The following PEBP4 variants were observed in gnomAD, a reference collection of about 807,000 sequenced individuals.
PEBP4 encodes phosphatidylethanolamine-binding protein 4.
Under a neutral mutation model 23.9 loss-of-function variants are expected in PEBP4, and 22 were observed. The ratio of observed to expected loss-of-function variants is 0.92; its 90% confidence interval spans 0.66 to 1.31. PEBP4 has a LOEUF of 1.31. Among genes scored for constraint, PEBP4 ranks in the 40% most tolerant of loss-of-function variants. The pLI, the probability that PEBP4 is intolerant of heterozygous loss-of-function variation, is 0.00. For synonymous variants in PEBP4, 112 were observed against 99.3 expected, an observed-to-expected ratio of 1.13 and a Z score of -0.76; for missense variants, 324 against 281.7, an observed-to-expected ratio of 1.15 and a Z score of -1.07.
intron 4 of PEBP4, among the ~76,000 whole-genome samples, chr8:22,774,336 T>C (rs752390720): frequency 6.6e-6 from 1 of 152,230 alleles, no homozygotes; most frequent in Non-Finnish European, 1.5e-5. Context: ...GAGTTACCCT[T>C]TCCTAGAGCA....
At chr8:22,727,389 GGCT>G (rs1409663099) in intron 4 of PEBP4, among the ~76,000 whole-genome samples, 169 bp from the exon 5 acceptor site, 46 of 152,096 alleles carry the variant, frequency 3.0e-4, no homozygotes, top group African/African-American at 1.1e-3. Flanking sequence ...GAGGATGTAT[GGCT>G]GCTTTTGGGA....
intron 3 of PEBP4, among the ~76,000 whole-genome samples, chr8:22,861,879 G>A (rs771112574): frequency 1.3e-5 from 2 of 152,160 alleles, no homozygotes; most frequent in Non-Finnish European, 2.9e-5. Flanking sequence ...TCAATCTTGC[G>A]CTTTAGCGAT....
rs559983294 is a variant in PEBP4 at position 22,748,849 on chromosome 8, G to A, written c.358-21629C>T. On this transcript the variant is annotated intron_variant, in intron 4 of 6. Coordinates refer to ENST00000256404, the MANE Select transcript of PEBP4 (RefSeq NM_144962.3). ...AACAGGAGAGGCCTCCACGAGTCCT[G>A]GATGATTTAGGTGCGGACTTGCCTG... Among the ~76,000 whole-genome samples the A allele has an allele frequency of 5.3e-5, 8 of 152,274 alleles. No homozygotes were observed. The South Asian group carries it at 1.7e-3, about 32-fold the overall frequency.
intron 4 of PEBP4, among the ~76,000 whole-genome samples, chr8:22,784,996 G>A (rs955218922): frequency 1.6e-4 from 24 of 152,166 alleles, no homozygotes; most frequent in Admixed American, 1.3e-3. Context: ...AACGGGCCAC[G>A]TGTGCACGGT....
chr8:22,916,453 C>G (rs1203048044), intron 3 of PEBP4, among the ~76,000 whole-genome samples: 4 of 152,202 alleles, frequency 2.6e-5, no homozygotes, highest in African/African-American at 9.7e-5. Flanking sequence ...CATGAACCTG[C>G]CTGACTTCCT....
At chr8:22,801,721 C>T (rs1024909611) in intron 4 of PEBP4, among the ~76,000 whole-genome samples, 1 of 152,054 alleles carries the variant, frequency 6.6e-6, no homozygotes, top group Admixed American at 6.6e-5. Context: ...CACATGCATG[C>T]ACACACATGC....
intron 4 of PEBP4, among the ~76,000 whole-genome samples, chr8:22,761,752 G>A (rs1805511638): frequency 2.0e-5 from 3 of 152,168 alleles, no homozygotes; most frequent in Admixed American, 6.5e-5. Flanking sequence ...TCAACAGAGG[G>A]TTCTTTTTAT....
At chr8:22,785,052 T>A (rs562040352) in intron 4 of PEBP4, among the ~76,000 whole-genome samples, 1 of 152,290 alleles carries the variant, frequency 6.6e-6, no homozygotes, top group South Asian at 2.1e-4. Context: ...GATCCCAGTG[T>A]GTCTAGAACA....
chr8:22,774,595 G>C lies in PEBP4; in HGVS notation c.357+43042C>G, dbSNP rs576747441. Among the ~76,000 whole-genome samples the C allele has an allele frequency of 4.3e-4, 65 of 152,302 alleles. 1 individual carries two copies. In the East Asian group the frequency reaches 8.7e-3, roughly 20 times the overall value. On this transcript the variant is annotated intron_variant, in intron 4 of 6. Coordinates refer to ENST00000256404, the MANE Select transcript of PEBP4 (RefSeq NM_144962.3). ...TCAGCAAGAGAAAAATCACCGATGG[G>C]GGGTAGGGGCCGAGTCCCCTCCACC...
intron 4 of PEBP4, among the ~76,000 whole-genome samples, chr8:22,803,676 A>T (rs1011828855): frequency 6.6e-6 from 1 of 152,092 alleles, no homozygotes; most frequent in Non-Finnish European, 1.5e-5. Context: ...AAATAATAAT[A>T]AAAAAATAAA....
chr8:22,758,109 A>G (rs1206818666), intron 4 of PEBP4: 1 of 152,264 alleles, frequency 6.6e-6, no homozygotes, highest in African/African-American at 2.4e-5. Context: ...GAAATATTTC[A>G]TCATAAGCTG....
At chr8:22,937,503 A>T (rs1809555915) in intron 1 of PEBP4, among the ~76,000 whole-genome samples, 1 of 152,198 alleles carries the variant, frequency 6.6e-6, no homozygotes, top group Non-Finnish European at 1.5e-5. Context: ...AAAATGACAA[A>T]GTTACTCAAA....
chr8:22,792,574 C>T (rs1010126816), intron 4 of PEBP4, among the ~76,000 whole-genome samples: 2 of 152,144 alleles, frequency 1.3e-5, no homozygotes, highest in Non-Finnish European at 2.9e-5. Context: ...CTCTTGTGAG[C>T]TCATCCTACC....
intron 3 of PEBP4, among the ~76,000 whole-genome samples, chr8:22,847,856 G>C (rs1383143402): frequency 6.6e-6 from 1 of 152,152 alleles, no homozygotes; most frequent in African/African-American, 2.4e-5. Context: ...ACCTCAGGTG[G>C]CTTCGAGAGA....
chr8:22,746,075 C>T (rs1445262610), intron 4 of PEBP4, among the ~76,000 whole-genome samples: 9 of 152,268 alleles, frequency 5.9e-5, no homozygotes, highest in African/African-American at 2.2e-4. Context: ...AAAATGCACC[C>T]ATCTCGTGGC....
chr8:22,845,762 C>T (rs1200785396), intron 3 of PEBP4, among the ~76,000 whole-genome samples: 2 of 152,256 alleles, frequency 1.3e-5, no homozygotes, highest in African/African-American at 2.4e-5. Flanking sequence ...AGGCGCCTCT[C>T]GCCTCCTTAA....
At chr8:22,838,638 G>C (rs547237727) in intron 3 of PEBP4, among the ~76,000 whole-genome samples, 9 of 152,392 alleles carry the variant, frequency 5.9e-5, no homozygotes, top group Non-Finnish European at 1.3e-4. Flanking sequence ...CTAAAAGCTA[G>C]GCCGGGGCCT....
intron 4 of PEBP4, among the ~76,000 whole-genome samples, chr8:22,783,308 G>C (rs1236466150): frequency 6.6e-6 from 1 of 152,248 alleles, no homozygotes; most frequent in Non-Finnish European, 1.5e-5. Flanking sequence ...GATGGGCATG[G>C]CTGTCTAATG....
intron 3 of PEBP4, among the ~76,000 whole-genome samples, chr8:22,906,013 G>A (rs1420316936): frequency 6.6e-6 from 1 of 151,148 alleles, no homozygotes; most frequent in Non-Finnish European, 1.5e-5. Context: ...TTTGCAAGAT[G>A]AAGAGTTTGA....
Sources: gnomAD v4.1 joint callset for allele counts (sites outside exome capture counted in the v4.1 genomes callset) on GRCh38, gnomAD v4.1.1 for gene constraint, MANE v1.5 for transcripts, NCBI Gene and HGNC (gene_info 2026-07-23, HGNC 2026-07-21) for gene names.